The following FOXP1 variants were observed in gnomAD, a reference collection of about 807,000 sequenced individuals.
The protein encoded by FOXP1 is forkhead box P1.
Under a neutral mutation model 98.2 loss-of-function variants are expected in FOXP1, and 15 were observed. That is an observed-to-expected ratio of 0.15 (90% CI 0.10 to 0.24). The LOEUF is 0.24. Among genes scored for constraint, FOXP1 ranks in the 10% least tolerant of loss-of-function variants. The pLI is 1.00. For synonymous variants in FOXP1, 371 were observed against 314.5 expected, an observed-to-expected ratio of 1.18 and a Z score of -1.90; for missense variants, 633 against 848.5, an observed-to-expected ratio of 0.75 and a Z score of 3.15.
Position 71,008,398 on chromosome 3 carries a change from T to C in FOXP1, c.974+7151A>G, listed in dbSNP as rs186480282. ...AGAAAGGACTCAAGTGGGGAGAAGA[T>C]GGAAGAACGCCGATGAGCTTCACAC... is the stretch of plus-strand genomic sequence containing the variant. On this transcript the variant is annotated intron_variant, in intron 12 of 20. Coordinates refer to ENST00000649528, the MANE Select transcript of FOXP1 (RefSeq NM_001349338.3). 4.7e-4 allele frequency among the ~76,000 whole-genome samples: 72 copies of C among 152,256 alleles called. 3 individuals carry two copies. Among genetic ancestry groups the C allele is most frequent in the East Asian group, 7.7e-4 (4 of 5,180 alleles).
At chr3:71,184,933 C>G (rs2062556775) in intron 6 of FOXP1, among the ~76,000 whole-genome samples, 1 of 152,130 alleles carries the variant, frequency 6.6e-6, no homozygotes, top group Non-Finnish European at 1.5e-5. Flanking sequence ...TGGCTCACGC[C>G]TGTAATCCTA....
intron 3 of FOXP1, among the ~76,000 whole-genome samples, chr3:71,378,663 G>T (rs967038790): frequency 6.6e-6 from 1 of 151,844 alleles, no homozygotes; most frequent in East Asian, 1.9e-4. Context: ...AGTGATGCTG[G>T]CATATTGGTA....
intron 2 of FOXP1, among the ~76,000 whole-genome samples, chr3:71,507,095 G>A (rs907431100): frequency 1.3e-5 from 2 of 152,178 alleles, no homozygotes; most frequent in African/African-American, 4.8e-5. Context: ...GTGAGCTGCT[G>A]CCAGTCCTTC....
chr3:71,288,479 T>C (rs1553820877), intron 5 of FOXP1: 2 of 152,208 alleles, frequency 1.3e-5, no homozygotes, highest in Non-Finnish European at 2.9e-5. Flanking sequence ...GTAAAGGTGA[T>C]AGACAGACGT....
intron 5 of FOXP1, among the ~76,000 whole-genome samples, chr3:71,216,114 C>G (rs1168595224): frequency 6.6e-6 from 1 of 151,580 alleles, no homozygotes; most frequent in African/African-American, 2.4e-5. Context: ...GGCTCCTAAC[C>G]AAATCCCCAT....
chr3:71,270,851 A>T (rs1177426337), intron 5 of FOXP1, among the ~76,000 whole-genome samples: 3 of 151,706 alleles, frequency 2.0e-5, no homozygotes, highest in African/African-American at 7.3e-5. Flanking sequence ...CAAGGGGGGA[A>T]ATCAATTATT....
chr3:71,329,630 A>G (rs2076175379), intron 4 of FOXP1, among the ~76,000 whole-genome samples: 1 of 151,936 alleles, frequency 6.6e-6, no homozygotes, highest in Non-Finnish European at 1.5e-5. Context: ...GCACTGGGAG[A>G]AAACAGCCAG....
chr3:71,102,899 C>G (rs952863281), intron 7 of FOXP1, among the ~76,000 whole-genome samples: 1 of 152,148 alleles, frequency 6.6e-6, no homozygotes, highest in Non-Finnish European at 1.5e-5. Flanking sequence ...TGGCCTTGGA[C>G]AAGTTAACTT....
chr3:71,108,656 C>CT lies in FOXP1; in HGVS notation c.282+3879dup, dbSNP rs549927459. On this transcript the variant is annotated intron_variant, in intron 7 of 20. Transcript: ENST00000649528. ...TGGTGCATGCCTGTAGTCCCAACTA[C>CT]TTGGGAGGCTAAGCAGGAGAATCGC... Among the ~76,000 whole-genome samples, 272 of 152,198 alleles carry CT rather than the reference C, an allele frequency of 1.8e-3. 2 individuals are homozygous for CT. Among genetic ancestry groups the CT allele is most frequent in the African/African-American group, 6.2e-3 (256 of 41,530 alleles).
intron 3 of FOXP1, among the ~76,000 whole-genome samples, chr3:71,458,923 G>A (rs918752484): frequency 2.6e-5 from 4 of 152,200 alleles, no homozygotes; most frequent in Admixed American, 2.6e-4. Context: ...GGAAATATTT[G>A]ATTTTACTGT....
At chr3:70,998,314 A>G (rs2041660895) in intron 13 of FOXP1, among the ~76,000 whole-genome samples, 1 of 152,202 alleles carries the variant, frequency 6.6e-6, no homozygotes, top group Non-Finnish European at 1.5e-5. Flanking sequence ...AATTTTACGC[A>G]TGGACACTGA....
intron 5 of FOXP1, among the ~76,000 whole-genome samples, chr3:71,256,679 G>A (rs549795974): frequency 6.6e-6 from 1 of 152,236 alleles, no homozygotes; most frequent in South Asian, 2.1e-4. Flanking sequence ...ACCGCGCCCG[G>A]CCTCTCACTT....
intron 6 of FOXP1, among the ~76,000 whole-genome samples, chr3:71,196,089 C>T (rs1560097861): frequency 6.6e-6 from 1 of 152,106 alleles, no homozygotes; most frequent in Non-Finnish European, 1.5e-5. Context: ...GGGTTTTAGC[C>T]ACAGTGATAG....
intron 20 of FOXP1, among the ~76,000 whole-genome samples, chr3:70,965,463 G>A (rs182217643): frequency 1.3e-5 from 2 of 152,228 alleles, no homozygotes; most frequent in East Asian, 3.9e-4. Flanking sequence ...ATAATGCTGC[G>A]GCGGCGTGTT....
intron 3 of FOXP1, among the ~76,000 whole-genome samples, chr3:71,414,310 G>A (rs997626929): frequency 1.9e-4 from 29 of 152,238 alleles, no homozygotes; most frequent in Admixed American, 3.3e-4. Context: ...CAAGGCCACC[G>A]TCCTGTGCCT....
chr3:71,144,492 T>C (rs1012069700), intron 6 of FOXP1, among the ~76,000 whole-genome samples: 1 of 152,094 alleles, frequency 6.6e-6, no homozygotes, highest in African/African-American at 2.4e-5. Context: ...AAAGAAAGCA[T>C]CTCATTCGGC....
intron 13 of FOXP1, among the ~76,000 whole-genome samples, chr3:70,993,989 C>G (rs556575714): frequency 1.2e-4 from 16 of 133,232 alleles, no homozygotes; most frequent in Non-Finnish European, 1.4e-4. Context: ...AGCAAAACTC[C>G]GTCTCAAAAG....
intron 7 of FOXP1, among the ~76,000 whole-genome samples, chr3:71,058,890 A>C (rs548809411): frequency 6.6e-6 from 1 of 151,614 alleles, no homozygotes; most frequent in African/African-American, 2.4e-5. Flanking sequence ...GTCTTAAAAA[A>C]ATAAAAAAAA....
At chr3:71,158,727 C>CAG (rs1491188467) in intron 6 of FOXP1, among the ~76,000 whole-genome samples, 134 of 113,044 alleles carry the variant, frequency 1.2e-3, no homozygotes, top group Middle Eastern at 4.4e-3. Flanking sequence ...GCCCACAGAC[C>CAG]AAAAAAAAAA....
Sources: allele counts gnomAD v4.1 joint callset (sites outside exome capture counted in the v4.1 genomes callset), GRCh38; gene constraint gnomAD v4.1.1; transcripts MANE v1.5; gene names NCBI Gene and HGNC (gene_info 2026-07-23, HGNC 2026-07-21).